ZCWPW2: variants seen among roughly 807,000 people sequenced by gnomAD.
ZCWPW2 encodes the protein zinc finger CW-type and PWWP domain containing 2, also known as zinc finger CW-type PWWP domain protein 2.
In ZCWPW2, 45 loss-of-function variants were observed where a neutral mutation model predicts 46.6. The observed-to-expected ratio is 0.96, with a 90% CI of 0.76 to 1.24. The LOEUF is 1.24. Among genes scored for constraint, ZCWPW2 ranks in the 50% most tolerant of loss-of-function variants. The pLI is 0.00. For synonymous variants in ZCWPW2, 152 were observed against 137.1 expected (o/e 1.11, Z -0.76); for missense variants, 429 against 403.9 (o/e 1.06, Z -0.53).
rs768513836 is a variant in ZCWPW2 at position 28,515,540 on chromosome 3, A to C, written c.717-14A>C. On this transcript the variant is annotated splice_polypyrimidine_tract_variant and intron_variant, in intron 7 of 9. Coordinates refer to ENST00000383768, the MANE Select transcript of ZCWPW2 (RefSeq NM_001040432.4). ...TGATCTTTTGAAACTAAATCTGTCA[A>C]ATTCTTTTTCTAGGAAAGCAATTTT... is the stretch of plus-strand genomic sequence containing the variant. The C allele has an allele frequency of 1.3e-6, 2 of 1,586,538 alleles. No individual in the cohort carries two copies. The highest frequency in any genetic ancestry group is 2.3e-5 in the East Asian group (1 of 44,380).
chr3:28,369,653 G>A (rs373907892), intron 1 of ZCWPW2, among the ~76,000 whole-genome samples: 8 of 152,186 alleles, frequency 5.3e-5, no homozygotes, highest in African/African-American at 1.4e-4. Context: ...CTCCAGCTGC[G>A]TGCTGGGGGA....
At chr3:28,417,419 A>T (rs918942173) in intron 3 of ZCWPW2, among the ~76,000 whole-genome samples, 4 of 152,084 alleles carry the variant, frequency 2.6e-5, no homozygotes, top group Non-Finnish European at 5.9e-5. Context: ...GATTCACAGC[A>T]GAATTCTACC....
At chr3:28,481,067 A>G (rs1254846116) in intron 5 of ZCWPW2, among the ~76,000 whole-genome samples, 5 of 151,758 alleles carry the variant, frequency 3.3e-5, no homozygotes, top group African/African-American at 9.7e-5. Context: ...GGGTTTCACC[A>G]TGTTGGCCAG....
chr3:28,380,517 A>T (rs956380439), intron 1 of ZCWPW2, among the ~76,000 whole-genome samples: 1 of 152,130 alleles, frequency 6.6e-6, no homozygotes, highest in Non-Finnish European at 1.5e-5. Context: ...TGAGAATTTC[A>T]TCTTTACTAT....
At chr3:28,451,076 T>G (rs1342217997) in intron 4 of ZCWPW2, among the ~76,000 whole-genome samples, 2 of 152,144 alleles carry the variant, frequency 1.3e-5, no homozygotes, top group African/African-American at 2.4e-5. Flanking sequence ...GCACAGTGAC[T>G]GGTAATGTTT....
At chr3:28,417,037 A>G (rs1696604889) in intron 3 of ZCWPW2, among the ~76,000 whole-genome samples, 1 of 149,124 alleles carries the variant, frequency 6.7e-6, no homozygotes. Context: ...TCATAAAATG[A>G]GTTAGGCAGG....
intron 1 of ZCWPW2, among the ~76,000 whole-genome samples, chr3:28,349,844 A>G (rs1054013088): frequency 1.3e-5 from 2 of 152,218 alleles, no homozygotes; most frequent in Non-Finnish European, 1.5e-5. Flanking sequence ...CCGCTTAACT[A>G]TCAGCCCAAC....
chr3:28,472,055 C>T (rs949829916), intron 4 of ZCWPW2, among the ~76,000 whole-genome samples: 2 of 152,028 alleles, frequency 1.3e-5, no homozygotes, highest in Non-Finnish European at 2.9e-5. Flanking sequence ...AACTGTAAAA[C>T]ATTGATGCAA....
chr3:28,501,279 T>C (rs531685024), intron 6 of ZCWPW2, among the ~76,000 whole-genome samples: 16 of 152,264 alleles, frequency 1.1e-4, no homozygotes, highest in African/African-American at 3.4e-4. Flanking sequence ...CAAGTTACTC[T>C]CCTTGTGTGG....
At chr3:28,485,077 A>G (rs748632903) in intron 5 of ZCWPW2, among the ~76,000 whole-genome samples, 4 of 151,062 alleles carry the variant, frequency 2.6e-5, no homozygotes, top group Admixed American at 6.6e-5. Context: ...GCTGCATCCC[A>G]TGATTGATAA....
intron 1 of ZCWPW2, among the ~76,000 whole-genome samples, chr3:28,386,071 A>G (rs1401173277): frequency 6.6e-6 from 1 of 151,964 alleles, no homozygotes; most frequent in African/African-American, 2.4e-5. Flanking sequence ...ATTGTTATAA[A>G]CTGAATGTTT....
intron 6 of ZCWPW2, 91 bp from the exon 7 acceptor site, chr3:28,513,973 C>T: frequency 9.9e-7 from 1 of 1,011,694 alleles, no homozygotes. Flanking sequence ...TTTCTTCTGA[C>T]CAAATTACTT....
At chr3:28,359,176 T>C (rs1488508100) in intron 1 of ZCWPW2, among the ~76,000 whole-genome samples, 1 of 152,132 alleles carries the variant, frequency 6.6e-6, no homozygotes, top group African/African-American at 2.4e-5. Flanking sequence ...TGGTCAGATC[T>C]GCCACCCAAA....
At chr3:28,517,278 A>G (rs756326434) in intron 8 of ZCWPW2, among the ~76,000 whole-genome samples, 1 of 152,228 alleles carries the variant, frequency 6.6e-6, no homozygotes, top group Non-Finnish European at 1.5e-5. Flanking sequence ...TTGCATTGCT[A>G]TAAAGAAATA....
intron 4 of ZCWPW2, among the ~76,000 whole-genome samples, chr3:28,436,251 T>A (rs1697485293): frequency 6.6e-6 from 1 of 152,034 alleles, no homozygotes; most frequent in South Asian, 2.1e-4. Flanking sequence ...CATGCTTTCA[T>A]TAAAACTTGA....
At chr3:28,352,484 T>C (rs1308063914) in intron 1 of ZCWPW2, among the ~76,000 whole-genome samples, 1 of 152,238 alleles carries the variant, frequency 6.6e-6, no homozygotes, top group East Asian at 1.9e-4. Flanking sequence ...GGATACCTTA[T>C]CTGACCTAAA....
intron 1 of ZCWPW2, among the ~76,000 whole-genome samples, chr3:28,386,189 A>G (rs1360611092): frequency 6.6e-6 from 1 of 152,146 alleles, no homozygotes; most frequent in Non-Finnish European, 1.5e-5. Flanking sequence ...TAAAGGTGGT[A>G]TCCTGATCTG....
At chr3:28,465,345 G>C (rs1223240928) in intron 4 of ZCWPW2, among the ~76,000 whole-genome samples, 1 of 152,134 alleles carries the variant, frequency 6.6e-6, no homozygotes, top group Non-Finnish European at 1.5e-5. Flanking sequence ...CTGAGTCTTT[G>C]CTTCTTTCTT....
At chr3:28,497,762 G>A (rs2125821718) in intron 6 of ZCWPW2, among the ~76,000 whole-genome samples, 1 of 152,112 alleles carries the variant, frequency 6.6e-6, no homozygotes, top group Non-Finnish European at 1.5e-5. Context: ...GGCATTCCTG[G>A]GGTCAAGTAT....
Sources: gnomAD v4.1 joint callset for allele counts (sites outside exome capture counted in the v4.1 genomes callset) on GRCh38, gnomAD v4.1.1 for gene constraint, MANE v1.5 for transcripts, NCBI Gene and HGNC (gene_info 2026-07-23, HGNC 2026-07-21) for gene names.